TMEM87A: variants seen among roughly 807,000 people sequenced by gnomAD.
TMEM87A encodes transmembrane protein 87A.
TMEM87A carries 50 observed loss-of-function variants against 90.0 expected under a neutral mutation model. The observed-to-expected ratio is 0.56, with a 90% CI of 0.44 to 0.70. TMEM87A has a LOEUF of 0.70. Ranked by LOEUF, TMEM87A falls within the 30% of genes least tolerant of loss-of-function variation. TMEM87A has a pLI of 0.00. For synonymous variants in TMEM87A, 226 were observed against 226.7 expected (o/e 1.00, Z 0.03); for missense variants, 577 against 660.5 (o/e 0.87, Z 1.39).
intron 10 of TMEM87A, among the ~76,000 whole-genome samples, chr15:42,235,233 T>A (rs1347638641): frequency 1.3e-5 from 2 of 152,286 alleles, no homozygotes; most frequent in Admixed American, 1.3e-4. Flanking sequence ...GACACAGGGT[T>A]TCACTGTGTT....
intron 6 of TMEM87A, 129 bp from the exon 7 acceptor site, chr15:42,244,296 G>GA (rs1315130033): frequency 1.7e-6 from 1 of 605,844 alleles, no homozygotes; most frequent in Non-Finnish European, 2.8e-6. Context: ...TTCATTCATT[G>GA]AAACATTAGG....
intron 6 of TMEM87A, among the ~76,000 whole-genome samples, chr15:42,248,841 A>G (rs1240559626): frequency 6.6e-6 from 1 of 152,184 alleles, no homozygotes; most frequent in Non-Finnish European, 1.5e-5. Context: ...ATTGGTTGGA[A>G]TAGTTTCAGA....
chr15:42,239,981 G>C (rs1227770534), intron 7 of TMEM87A, among the ~76,000 whole-genome samples: 1 of 152,110 alleles, frequency 6.6e-6, no homozygotes, highest in East Asian at 1.9e-4. Flanking sequence ...AGGCTCTTTT[G>C]TTTCCATACT....
chr15:42,252,086 T>C (rs754755824), intron 6 of TMEM87A, among the ~76,000 whole-genome samples: 8 of 152,260 alleles, frequency 5.3e-5, no homozygotes. Flanking sequence ...GTGTGCCGTT[T>C]GCTAAGACTG....
intron 19 of TMEM87A, among the ~76,000 whole-genome samples, chr15:42,216,314 T>C (rs927516064): frequency 2.0e-5 from 3 of 152,218 alleles, no homozygotes; most frequent in African/African-American, 7.2e-5. Flanking sequence ...TGTACAACAT[T>C]GTGCTTATAC....
At chr15:42,227,854 T>C in intron 13 of TMEM87A, 85 bp from the exon 14 acceptor site, 1 of 1,223,918 alleles carries the variant, frequency 8.2e-7, no homozygotes. Context: ...TTAAGTGGAA[T>C]CCCACACACC....
intron 3 of TMEM87A, among the ~76,000 whole-genome samples, 181 bp downstream of exon 3, chr15:42,267,766 A>C (rs2051434497): frequency 6.6e-6 from 1 of 152,200 alleles, no homozygotes; most frequent in Non-Finnish European, 1.5e-5. Context: ...ATTTTTACAA[A>C]TATAAGAGTT....
chr15:42,213,887 G>A (rs1354980235), intron 19 of TMEM87A, among the ~76,000 whole-genome samples: 2 of 152,098 alleles, frequency 1.3e-5, no homozygotes, highest in Non-Finnish European at 2.9e-5. Context: ...TAAATCTCTG[G>A]AAACCAACCC....
In TMEM87A at chr15:42,273,418, C is replaced by G. The variant is rs2051605092; in HGVS notation, c.-20G>C. The G allele has an allele frequency of 1.9e-6, 3 of 1,613,390 alleles. No homozygotes were observed. The highest frequency in any genetic ancestry group is 2.5e-6 in the Non-Finnish European group (3 of 1,179,842). On this transcript the variant is annotated 5_prime_UTR_variant, in exon 1 of 20. Coordinates refer to ENST00000389834, the MANE Select transcript of TMEM87A (RefSeq NM_015497.5). ...CGCCATCTTCACAGCCGTGGAGTGCCTACCGAAAGCATTTCACCCTCTTCC... is the reference window on the plus strand; with the variant it reads ...CGCCATCTTCACAGCCGTGGAGTGCGTACCGAAAGCATTTCACCCTCTTCC...
intron 19 of TMEM87A, among the ~76,000 whole-genome samples, chr15:42,215,933 C>T (rs990109123): frequency 2.0e-5 from 3 of 152,182 alleles, no homozygotes; most frequent in Non-Finnish European, 4.4e-5. Context: ...GAAATGTGCA[C>T]TCCCATGTTC....
chr15:42,244,075 T>C lies in TMEM87A; in HGVS notation c.597A>G (p.Glu199=), dbSNP rs140873489. 1.3e-6 allele frequency: 2 copies of C among 1,571,022 alleles called. No homozygotes were observed. Among genetic ancestry groups the C allele is most frequent in the African/African-American group, 1.4e-5 (1 of 72,176 alleles). The change falls in exon 7 of 20, where the codon GAA becomes GAG. Residue 199 remains glutamate (E), a synonymous_variant. Coordinates refer to ENST00000389834, the MANE Select transcript of TMEM87A (RefSeq NM_015497.5). ...GISSSKESSK[E]NSLSNLFTMT... ...TGGTAAAAAGATTACTCAGTGAATT[T>C]TCTTTTGATGATTCCTTTGAGGATG...
rs1280583508 is a variant in TMEM87A at position 42,237,492 on chromosome 15, T to C, written c.808A>G (p.Met270Val). ...GCATAGAAGACAGCTTTCTCAAGCA[T>C]TCCCAGGAAGATGACAGCACCAATC... ...FWIGAVIFLG[M>V]LEKAVFYAEF... The change falls in exon 9 of 20, where the codon ATG becomes GTG. Residue 270 changes from methionine (M) to valine (V), a missense_variant. Met to Val is a conservative substitution (Grantham distance 21). Transcript: ENST00000389834. The C allele has an allele frequency of 4.3e-6, 7 of 1,614,028 alleles. No homozygotes were observed. The highest frequency in any genetic ancestry group is 5.1e-6 in the Non-Finnish European group (6 of 1,180,042).
chr15:42,267,500 G>T (rs775634347), intron 3 of TMEM87A, among the ~76,000 whole-genome samples: 2 of 152,070 alleles, frequency 1.3e-5, no homozygotes, highest in Non-Finnish European at 2.9e-5. Flanking sequence ...CCAAATTATT[G>T]CAACAGACTG....
chr15:42,271,509 C>T (rs2051523546), intron 2 of TMEM87A: 1 of 152,082 alleles, frequency 6.6e-6, no homozygotes, highest in African/African-American at 2.4e-5. Context: ...ATTGTAATAT[C>T]GTATTTGTAC....
chr15:42,264,158 C>T lies in TMEM87A; in HGVS notation c.337G>A (p.Gly113Ser). ...GATGTTTGATATTTCCCAGACAAGC[C>T]TCTTTTTTCCTTAAGTTTTTCCAAA... ...LYLEKLKEKR[G>S]LSGKYQTSSK... is the part of the protein sequence containing the mutation. The change falls in exon 4 of 20, where the codon GGC (glycine) becomes AGC (serine). Residue 113 changes from glycine (G) to serine (S), a missense_variant. Gly to Ser is a moderately conservative substitution (Grantham distance 56, BLOSUM62 0). Coordinates refer to ENST00000389834, the MANE Select transcript of TMEM87A (RefSeq NM_015497.5). 6.2e-7 allele frequency: 1 copy of T among 1,613,832 alleles called. No homozygotes were observed. The highest frequency in any genetic ancestry group is 8.5e-7 in the Non-Finnish European group (1 of 1,179,892).
At position 42,258,941 on chromosome 15, in the gene TMEM87A, A is replaced by G. The variant is rs1204903034; in HGVS notation, c.504+2017T>C. On this transcript the variant is annotated intron_variant, in intron 6 of 19. Coordinates refer to ENST00000389834, the MANE Select transcript of TMEM87A (RefSeq NM_015497.5). ...AACTTTTGGAACTTTGGAAATTATT[A>G]AAGTCTTTCAACAATCCAAGAAATG... is the stretch of plus-strand genomic sequence containing the variant. The G allele has an allele frequency of 2.7e-6, 3 of 1,123,728 alleles. No individual in the cohort carries two copies. The East Asian group carries it at 7.7e-5, about 29-fold the overall frequency. The allele number at this position is 1,123,728 out of a possible 1,614,324, so 69.6% of individuals were successfully genotyped here.
intron 19 of TMEM87A, 39 bp downstream of exon 19, chr15:42,217,764 A>G: frequency 6.2e-7 from 1 of 1,601,160 alleles, no homozygotes; most frequent in Non-Finnish European, 8.5e-7. Flanking sequence ...CTATTTAGTC[A>G]CCATATACAT....
Position 42,273,302 on chromosome 15 carries a change from T to C in TMEM87A, c.97A>G (p.Thr33Ala). 6.2e-7 allele frequency: 1 copy of C among 1,614,118 alleles called. No homozygotes were observed. Among genetic ancestry groups the C allele is most frequent in the Middle Eastern group, 1.6e-4 (1 of 6,062 alleles). ...PLSFFSAGPA[T>A]VAAADRSKWH... ...TTGGACCGGTCGGCAGCAGCTACGGTTGCCGGTCCCGCACTGAAAAACGAC... is the reference window on the plus strand; with the variant it reads ...TTGGACCGGTCGGCAGCAGCTACGGCTGCCGGTCCCGCACTGAAAAACGAC... Residue 33 changes from threonine to alanine, a missense_variant, in exon 1 of 20, where the codon ACC becomes GCC. Physicochemically the swap from Thr to Ala is moderately conservative, Grantham distance 58. Transcript: ENST00000389834.
intron 19 of TMEM87A, 120 bp downstream of exon 19, chr15:42,217,683 T>C (rs1017027063): frequency 3.4e-6 from 3 of 873,568 alleles, no homozygotes; most frequent in African/African-American, 3.4e-5. Flanking sequence ...TTCAACTATA[T>C]AAACTATAGT....
Sources: gnomAD v4.1 joint callset for allele counts (sites outside exome capture counted in the v4.1 genomes callset) on GRCh38, gnomAD v4.1.1 for gene constraint, MANE v1.5 for transcripts, NCBI Gene and HGNC (gene_info 2026-07-23, HGNC 2026-07-21) for gene names.